The following CACNA1A variants were observed in gnomAD, a reference collection of about 807,000 sequenced individuals.
CACNA1A encodes calcium voltage-gated channel subunit alpha1 A.
In CACNA1A, 57 loss-of-function variants were observed where a neutral mutation model predicts 262.4. The observed-to-expected ratio is 0.22, with a 90% confidence interval of 0.18 to 0.27. CACNA1A has a LOEUF of 0.27. Ranked by LOEUF, CACNA1A falls within the 10% of genes least tolerant of loss-of-function variation. CACNA1A has a pLI of 1.00. For missense variants in CACNA1A, 2,526 were observed against 3,562.8 expected, an observed-to-expected ratio of 0.71 and a Z score of 7.41; for synonymous variants, 1,431 against 1,419.3, an observed-to-expected ratio of 1.01 and a Z score of -0.18.
chr19:13,276,913 T>C (rs2057163102), intron 23 of CACNA1A, among the ~76,000 whole-genome samples, 156 bp downstream of exon 23: 1 of 152,026 alleles, frequency 6.6e-6, no homozygotes, highest in South Asian at 2.1e-4. Flanking sequence ...GGTTTCACCA[T>C]GTTGGCCAGG....
chr19:13,357,531 G>A (rs778397408), intron 6 of CACNA1A, among the ~76,000 whole-genome samples: 6 of 152,150 alleles, frequency 3.9e-5, no homozygotes, highest in Non-Finnish European at 8.8e-5. Flanking sequence ...GCTCTATGGG[G>A]TCACTACAGT....
chr19:13,323,883 G>A (rs1235812836), intron 10 of CACNA1A, among the ~76,000 whole-genome samples: 2 of 152,008 alleles, frequency 1.3e-5, no homozygotes, highest in African/African-American at 2.4e-5. Context: ...TGTTTTCTTG[G>A]AGCATCTTTA....
chr19:13,494,528 C>CAATGAAAG (rs1225483461), intron 1 of CACNA1A, among the ~76,000 whole-genome samples: 20 of 152,220 alleles, frequency 1.3e-4, no homozygotes, highest in African/African-American at 4.1e-4. Context: ...GGAAGGTAGA[C>CAATGAAAG]AATGAAAGAG....
chr19:13,217,002 G>A (rs887140415), intron 38 of CACNA1A, among the ~76,000 whole-genome samples: 5 of 152,082 alleles, frequency 3.3e-5, no homozygotes, highest in Admixed American at 1.3e-4. Flanking sequence ...GCGTGGTGGC[G>A]TGCGCCTGTA....
intron 9 of CACNA1A, among the ~76,000 whole-genome samples, chr19:13,330,778 A>C (rs1474131541): frequency 6.6e-6 from 1 of 152,068 alleles, no homozygotes; most frequent in African/African-American, 2.4e-5. Context: ...ATTAGTAGAG[A>C]TGGGGTTTTG....
chr19:13,471,500 A>G (rs555434866), intron 1 of CACNA1A, among the ~76,000 whole-genome samples: 57 of 152,290 alleles, frequency 3.7e-4, no homozygotes, highest in African/African-American at 1.3e-3. Context: ...TACTTCCGAA[A>G]TTAGACTTTG....
At chr19:13,433,088 T>C (rs1023621730) in intron 3 of CACNA1A, among the ~76,000 whole-genome samples, 4 of 151,866 alleles carry the variant, frequency 2.6e-5, no homozygotes, top group Non-Finnish European at 5.9e-5. Flanking sequence ...AGTCAGGAGA[T>C]GGAGACCATC....
At chr19:13,255,374 C>T (rs1176649011) in intron 28 of CACNA1A, 115 bp from the exon 29 acceptor site, 6 of 898,222 alleles carry the variant, frequency 6.7e-6, no homozygotes, top group Non-Finnish European at 9.7e-6. Flanking sequence ...TGAGTCTCTG[C>T]CTCTCTTGCC....
intron 24 of CACNA1A, among the ~76,000 whole-genome samples, chr19:13,268,434 ATTTT>A (rs5827184): frequency 2.2e-5 from 3 of 135,994 alleles, no homozygotes; most frequent in East Asian, 2.1e-4. Flanking sequence ...GAAGTTAGTG[ATTTT>A]TTTTTTTTTT....
intron 1 of CACNA1A, among the ~76,000 whole-genome samples, chr19:13,485,056 T>C (rs1365400858): frequency 6.6e-6 from 1 of 152,182 alleles, no homozygotes; most frequent in East Asian, 1.9e-4. Flanking sequence ...AATAAATATT[T>C]GTGGCTTCAA....
At chr19:13,389,665 G>A (rs985086477) in intron 3 of CACNA1A, among the ~76,000 whole-genome samples, 2 of 152,086 alleles carry the variant, frequency 1.3e-5, no homozygotes, top group Admixed American at 6.6e-5. Flanking sequence ...CATGTCATAG[G>A]CTGATTAGCT....
intron 1 of CACNA1A, among the ~76,000 whole-genome samples, chr19:13,484,324 G>C (rs991705844): frequency 6.6e-6 from 1 of 152,064 alleles, no homozygotes; most frequent in African/African-American, 2.4e-5. Context: ...TGGGGGCCAG[G>C]GGCTGTCCAG....
At chr19:13,352,586 C>T (rs1477110891) in intron 6 of CACNA1A, among the ~76,000 whole-genome samples, 1 of 152,098 alleles carries the variant, frequency 6.6e-6, no homozygotes, top group Non-Finnish European at 1.5e-5. Context: ...TTTACCTCCC[C>T]TTGATTCCTT....
At chr19:13,226,130 TTG>T (rs1453322244) in intron 37 of CACNA1A, 2 of 152,024 alleles carry the variant, frequency 1.3e-5, no homozygotes, top group African/African-American at 4.8e-5. Flanking sequence ...TTGCACAAAG[TTG>T]TCTTATGGAC....
chr19:13,380,749 GTTTATTTA>G (rs758031682), intron 3 of CACNA1A, among the ~76,000 whole-genome samples: 5,122 of 80,858 alleles, frequency 0.063, 160 homozygotes, highest in African/African-American at 0.18. Flanking sequence ...TTGTTTGTTT[GTTTATTTA>G]TTTATTTATT....
intron 1 of CACNA1A, among the ~76,000 whole-genome samples, chr19:13,460,915 CTTT>C (rs1300678365): frequency 6.6e-6 from 1 of 151,960 alleles, no homozygotes; most frequent in Non-Finnish European, 1.5e-5. Context: ...TTTTTTCCTT[CTTT>C]ATCTTGTTCC....
At chr19:13,265,254 G>A (rs988676006) in intron 24 of CACNA1A, among the ~76,000 whole-genome samples, 2 of 152,172 alleles carry the variant, frequency 1.3e-5, no homozygotes, top group African/African-American at 4.8e-5. Flanking sequence ...AATGCCTCCG[G>A]TTGGAGTATT....
chr19:13,493,506 C>A (rs1981147790), intron 1 of CACNA1A, among the ~76,000 whole-genome samples: 1 of 152,246 alleles, frequency 6.6e-6, no homozygotes, highest in African/African-American at 2.4e-5. Context: ...AAAATTGCTC[C>A]CAGTTCAAAA....
intron 36 of CACNA1A, among the ~76,000 whole-genome samples, chr19:13,228,069 A>G (rs2055531812): frequency 1.3e-5 from 2 of 151,494 alleles, no homozygotes; most frequent in Admixed American, 6.6e-5. Flanking sequence ...ATGCGCCACA[A>G]TGCCTGGCTA....
Sources: allele counts gnomAD v4.1 joint callset (sites outside exome capture counted in the v4.1 genomes callset), GRCh38; gene constraint gnomAD v4.1.1; transcripts MANE v1.5; gene names NCBI Gene and HGNC (gene_info 2026-07-23, HGNC 2026-07-21).